The following ARHGAP6 variants were observed in gnomAD, a reference collection of about 807,000 sequenced individuals.
ARHGAP6 encodes Rho GTPase activating protein 6.
In ARHGAP6, 16 loss-of-function variants were observed where a neutral mutation model predicts 55.7. The observed-to-expected ratio is 0.29, with a 90% confidence interval of 0.19 to 0.44. ARHGAP6 has a LOEUF of 0.44. ARHGAP6 is among the 20% of genes least tolerant of loss of function. The pLI is 1.00. For synonymous variants in ARHGAP6, 382 were observed against 360.9 expected (o/e 1.06, Z -0.66); for missense variants, 698 against 808.9 (o/e 0.86, Z 1.66).
At chrX:11,285,693 A>T (rs1381430182) in intron 1 of ARHGAP6, among the ~76,000 whole-genome samples, 2 of 112,286 alleles carry the variant, frequency 1.8e-5, no homozygotes, top group Non-Finnish European at 3.8e-5. Context: ...AGCAGGACAG[A>T]TCCTAAGAAC....
chrX:11,513,775 C>G (rs1324220771), intron 1 of ARHGAP6, among the ~76,000 whole-genome samples: 2 of 111,167 alleles, frequency 1.8e-5, no homozygotes, highest in African/African-American at 6.5e-5. Flanking sequence ...TGATAGGTCA[C>G]TTCTGGTCCA....
chrX:11,148,783 C>CT, intron 10 of ARHGAP6: 1 of 338,223 alleles, frequency 3.0e-6, no homozygotes. Flanking sequence ...CCTTGCTGAG[C>CT]TACCCCAGCA....
At chrX:11,606,070 G>A (rs1004323760) in intron 1 of ARHGAP6, among the ~76,000 whole-genome samples, 5 of 111,654 alleles carry the variant, frequency 4.5e-5, no homozygotes, top group African/African-American at 1.3e-4. Context: ...AAGGCAGTTC[G>A]CTGTGATGAA....
intron 1 of ARHGAP6, among the ~76,000 whole-genome samples, chrX:11,629,611 T>C (rs1671587761): frequency 9.1e-6 from 1 of 110,485 alleles, no homozygotes; most frequent in South Asian, 3.8e-4. Context: ...TAAGTCACTC[T>C]TAAATCACAA....
chrX:11,441,876 T>C (rs1478987106), intron 1 of ARHGAP6, among the ~76,000 whole-genome samples: 3 of 110,166 alleles, frequency 2.7e-5, no homozygotes, highest in Non-Finnish European at 5.7e-5. Flanking sequence ...TTTTTTTTTT[T>C]CCTTTGGAGG....
At chrX:11,653,754 CAG>C (rs2052610785) in intron 1 of ARHGAP6, among the ~76,000 whole-genome samples, 1 of 111,735 alleles carries the variant, frequency 8.9e-6, no homozygotes, top group African/African-American at 3.3e-5. Flanking sequence ...TGTCACAAAA[CAG>C]AGCTGGGATT....
chrX:11,432,199 A>T (rs1338165341), intron 1 of ARHGAP6, among the ~76,000 whole-genome samples: 1 of 112,635 alleles, frequency 8.9e-6, no homozygotes, highest in Non-Finnish European at 1.9e-5. Context: ...AAACAGATTC[A>T]TAAGTATGTT....
At chrX:11,561,598 T>C (rs1002594615) in intron 1 of ARHGAP6, among the ~76,000 whole-genome samples, 4 of 112,200 alleles carry the variant, frequency 3.6e-5, no homozygotes, top group African/African-American at 1.3e-4. Flanking sequence ...ATACATGAAC[T>C]ATTCAACATT....
intron 1 of ARHGAP6, among the ~76,000 whole-genome samples, chrX:11,366,134 G>A (rs2049075046): frequency 8.9e-6 from 1 of 112,396 alleles, no homozygotes; most frequent in Non-Finnish European, 1.9e-5. Flanking sequence ...CACACTGGCT[G>A]TAGGGCTAGG....
intron 1 of ARHGAP6, among the ~76,000 whole-genome samples, chrX:11,472,917 T>A (rs946396540): frequency 9.0e-6 from 1 of 110,863 alleles, no homozygotes; most frequent in Non-Finnish European, 1.9e-5. Flanking sequence ...AGGCCAGATG[T>A]GCTGCATTCC....
At chrX:11,423,667 C>G (rs995078303) in intron 1 of ARHGAP6, among the ~76,000 whole-genome samples, 4 of 112,730 alleles carry the variant, frequency 3.5e-5, no homozygotes, top group Non-Finnish European at 7.5e-5. Context: ...CTACTGAGCA[C>G]CTACTGTGCT....
chrX:11,290,121 C>T (rs972577308), intron 1 of ARHGAP6, among the ~76,000 whole-genome samples: 1 of 112,080 alleles, frequency 8.9e-6, no homozygotes, highest in South Asian at 3.7e-4. Context: ...TCTCCCTTTT[C>T]AGATACTTAT....
chrX:11,645,879 T>C (rs998650547), intron 1 of ARHGAP6, among the ~76,000 whole-genome samples: 1 of 112,014 alleles, frequency 8.9e-6, no homozygotes, highest in East Asian at 2.8e-4. Context: ...TTAAATGATG[T>C]TGTTAATTAT....
intron 1 of ARHGAP6, among the ~76,000 whole-genome samples, chrX:11,462,394 G>A (rs1329757298): frequency 3.6e-5 from 4 of 112,107 alleles, no homozygotes; most frequent in African/African-American, 1.3e-4. Flanking sequence ...CAAGCCTTGG[G>A]ATGATGTGGG....
At chrX:11,585,330 G>A (rs2051719880) in intron 1 of ARHGAP6, among the ~76,000 whole-genome samples, 1 of 112,260 alleles carries the variant, frequency 8.9e-6, no homozygotes, top group South Asian at 3.7e-4. Flanking sequence ...TGGTAGTTCT[G>A]TTTTTATGTC....
chrX:11,442,000 T>C (rs1276314431), intron 1 of ARHGAP6, among the ~76,000 whole-genome samples: 1 of 111,556 alleles, frequency 9.0e-6, no homozygotes, highest in Non-Finnish European at 1.9e-5. Context: ...AAAATGATAT[T>C]TTTAAATGAA....
At chrX:11,332,862 C>A (rs894513889) in intron 1 of ARHGAP6, among the ~76,000 whole-genome samples, 1 of 111,963 alleles carries the variant, frequency 8.9e-6, no homozygotes, top group Non-Finnish European at 1.9e-5. Context: ...TGTGTGACAA[C>A]CACAATAGTC....
intron 2 of ARHGAP6, among the ~76,000 whole-genome samples, chrX:11,230,508 T>G: frequency 9.0e-6 from 1 of 111,290 alleles, no homozygotes; most frequent in Middle Eastern, 4.6e-3. Context: ...AAGTTGATAT[T>G]TATGTCACCC....
At chrX:11,169,759 A>C (rs1193604002) in intron 8 of ARHGAP6, 75 bp from the exon 9 acceptor site, 3 of 836,128 alleles carry the variant, frequency 3.6e-6, no homozygotes, top group Non-Finnish European at 4.9e-6. Flanking sequence ...CAATCAATGA[A>C]ACCTTTTACT....
Sources: gnomAD v4.1 joint callset for allele counts (sites outside exome capture counted in the v4.1 genomes callset) on GRCh38, gnomAD v4.1.1 for gene constraint, MANE v1.5 for transcripts, NCBI Gene and HGNC (gene_info 2026-07-23, HGNC 2026-07-21) for gene names.